The following SH3BP5L variants were observed in gnomAD, a reference collection of about 807,000 sequenced individuals.
SH3BP5L encodes SH3 domain-binding protein 5-like.
SH3BP5L carries 16 observed loss-of-function variants against 40.9 expected under a neutral mutation model. That is an observed-to-expected ratio of 0.39 (90% CI 0.27 to 0.59). The LOEUF (loss-of-function observed/expected upper bound fraction) is 0.59, where lower values mean the gene tolerates loss of function less well. Among genes scored for constraint, SH3BP5L ranks in the 20% least tolerant of loss-of-function variants. The pLI, the probability that SH3BP5L is intolerant of heterozygous loss-of-function variation, is 0.53. For synonymous variants in SH3BP5L, 229 were observed against 226.7 expected (o/e 1.01, Z -0.09); for missense variants, 471 against 544.6 (o/e 0.86, Z 1.35).
At chr1:248,822,696 T>C (rs1349611673) in intron 2 of SH3BP5L, among the ~76,000 whole-genome samples, 4 of 151,414 alleles carry the variant, frequency 2.6e-5, no homozygotes. Flanking sequence ...GGAGTTTCGC[T>C]CTTGTCACCC....
chr1:248,819,310 A>T (rs1474963687), intron 2 of SH3BP5L, among the ~76,000 whole-genome samples: 5 of 151,922 alleles, frequency 3.3e-5, no homozygotes, highest in Non-Finnish European at 7.4e-5. Context: ...GGGATGTCCA[A>T]TCTTTTTGCT....
chr1:248,825,530 C>CTTTA lies in SH3BP5L; in HGVS notation c.-431-168_-431-165dup, dbSNP rs1046426763. On this transcript the variant is annotated intron_variant, in intron 1 of 6. Transcript: ENST00000366472. ...AACTTCTCTCCTTAGCCCTCAAGGA[C>CTTTA]TTTAGATTCTACTCTTCCCCCGTCC... 153 of 314,490 alleles carry CTTTA rather than the reference C, an allele frequency of 4.9e-4. 1 individual carries two copies. The highest frequency in any genetic ancestry group is 3.4e-4 in the East Asian group (2 of 5,840). The allele number at this position is 314,490 out of a possible 1,614,324, so 19.5% of individuals were successfully genotyped here.
At chr1:248,816,753 A>G (rs1311162996) in intron 3 of SH3BP5L, 69 bp downstream of exon 3, 17 of 1,612,222 alleles carry the variant, frequency 1.1e-5, no homozygotes, top group East Asian at 2.2e-5. Flanking sequence ...CACTGCCTCA[A>G]TCTGGGAAAG....
chr1:248,812,457 C>T lies in SH3BP5L; in HGVS notation c.712-87G>A. The stretch of plus-strand genomic sequence containing the variant: ...CTGCACTGAGGTCTGAGGGCCTGCT[C>T]TCCCAGAATACCTGGACAGCTGGCT... On this transcript the variant is annotated intron_variant, in intron 6 of 6. Coordinates refer to ENST00000366472, the MANE Select transcript of SH3BP5L (RefSeq NM_030645.3). The surrounding 1 kb of genome is among the most constrained non-coding windows in gnomAD (Gnocchi z 6.1). 2.0e-6 allele frequency: 2 copies of T among 1,019,440 alleles called. No individual in the cohort carries two copies. The highest frequency in any genetic ancestry group is 1.4e-5 in the South Asian group (1 of 71,036). The allele number at this position is 1,019,440 out of a possible 1,614,324, so 63.1% of individuals were successfully genotyped here. A position where few individuals can be genotyped will look rare whatever the true frequency, so the allele number is the denominator to read the frequency against.
Position 248,812,779 on chromosome 1 carries a change from C to T in SH3BP5L, c.711+210G>A, listed in dbSNP as rs1255636995. 6.6e-6 allele frequency among the ~76,000 whole-genome samples: 1 copy of T among 152,186 alleles called. No homozygotes were observed. Among genetic ancestry groups the T allele is most frequent in the Non-Finnish European group, 1.5e-5 (1 of 68,038 alleles). On this transcript the variant is annotated intron_variant, in intron 6 of 6. Coordinates refer to ENST00000366472, the MANE Select transcript of SH3BP5L (RefSeq NM_030645.3). The surrounding 1 kb of genome is among the most constrained non-coding windows in gnomAD (Gnocchi z 6.1). The stretch of plus-strand genomic sequence containing the variant: ...ACCTCCCTTCTTCCAACTACGTTCT[C>T]GCCGTCACCAGCCCCCATCACCAGC...
intron 2 of SH3BP5L, among the ~76,000 whole-genome samples, chr1:248,822,444 A>G (rs547631830): frequency 7.2e-5 from 11 of 152,308 alleles, no homozygotes; most frequent in African/African-American, 2.6e-4. Context: ...TTTCCTCCCT[A>G]TACAACCCAC....
chr1:248,823,913 T>G (rs1664311370), intron 2 of SH3BP5L, among the ~76,000 whole-genome samples: 1 of 152,196 alleles, frequency 6.6e-6, no homozygotes, highest in Non-Finnish European at 1.5e-5. Flanking sequence ...CCCAAGAAGC[T>G]TCCTCAGGAA....
At chr1:248,814,931 A>G (rs1664062577) in intron 4 of SH3BP5L, 1 of 420,482 alleles carries the variant, frequency 2.4e-6, no homozygotes, top group African/African-American at 2.0e-5. Context: ...GGTTAGCAAC[A>G]TAGACAGAGT....
rs1663958971 is a variant in SH3BP5L, at chr1:248,812,137, C to T, written c.945G>A (p.Gly315=). The change falls in exon 7 of 7, where the codon GGG becomes GGA. Residue 315 remains glycine (G), a synonymous_variant. Coordinates refer to ENST00000366472, the MANE Select transcript of SH3BP5L (RefSeq NM_030645.3). This position sits in a 1 kb window ranked among gnomAD's most constrained non-coding sequence, Gnocchi z 6.1. ...GCCCCAGGCTGCTGCCCTCCTCCAG[C>T]CCCGCACCCTCGGCCCCCTCAATCC... ...DSGIEGAEGA[G]LEEGSSLGPG... is the part of the protein sequence containing the mutation. 1 of 1,605,134 alleles carries T rather than the reference C, an allele frequency of 6.2e-7. No homozygotes were observed. The highest frequency in any genetic ancestry group is 8.5e-7 in the Non-Finnish European group (1 of 1,175,712).
chr1:248,816,489 A>T (rs750325824), intron 4 of SH3BP5L, 45 bp downstream of exon 4: 1 of 1,611,912 alleles, frequency 6.2e-7, no homozygotes, highest in East Asian at 2.2e-5. Context: ...ATCCAGGGCC[A>T]GGCTCAGCAC....
chr1:248,816,267 C>G (rs1014472917), intron 4 of SH3BP5L: 12 of 434,074 alleles, frequency 2.8e-5, no homozygotes, highest in Non-Finnish European at 3.4e-5. Context: ...AAGCCTGATT[C>G]CTGATACACA....
chr1:248,820,232 C>CCAA (rs1165340880), intron 2 of SH3BP5L, among the ~76,000 whole-genome samples: 1 of 152,166 alleles, frequency 6.6e-6, no homozygotes, highest in Non-Finnish European at 1.5e-5. Context: ...GAACAGGCAG[C>CCAA]CAACACAGCT....
At position 248,825,171 on chromosome 1, in the gene SH3BP5L, C is replaced by T; in HGVS notation, c.-236G>A. 7.7e-7 allele frequency: 1 copy of T among 1,290,980 alleles called. No homozygotes were observed. Among genetic ancestry groups the T allele is most frequent in the Non-Finnish European group, 9.8e-7 (1 of 1,018,972 alleles). 80.0% of individuals were successfully genotyped at this position (1,290,980 alleles called of 1,614,324 possible). A position where few individuals can be genotyped will look rare whatever the true frequency, so the allele number is the denominator to read the frequency against. ...TGTGCAAAAGTTCTTCCCTTCCCGC[C>T]ACAGGGAGTCCACTGTGACAAACCC... On this transcript the variant is annotated 5_prime_UTR_variant, in exon 2 of 7. Transcript: ENST00000366472.
chr1:248,812,392 A>C lies in SH3BP5L; in HGVS notation c.712-22T>G. On this transcript the variant is annotated intron_variant, in intron 6 of 6. Transcript: ENST00000366472. The surrounding 1 kb of genome is among the most constrained non-coding windows in gnomAD (Gnocchi z 6.1). ...GCTCCTGCAGAGGGCAGAGCAGAGCAAGGCGACCCATGGGGCACGTCTCCA... is the reference window on the plus strand; with the variant it reads ...GCTCCTGCAGAGGGCAGAGCAGAGCCAGGCGACCCATGGGGCACGTCTCCA... The C allele has an allele frequency of 1.3e-6, 2 of 1,590,398 alleles. No homozygotes were observed. Among genetic ancestry groups the C allele is most frequent in the Non-Finnish European group, 1.7e-6 (2 of 1,171,070 alleles).
chr1:248,811,708 T>G lies in SH3BP5L; in HGVS notation c.*192A>C. 1 of 548,940 alleles carries G rather than the reference T, an allele frequency of 1.8e-6. No individual in the cohort carries two copies. Among genetic ancestry groups the G allele is most frequent in the Non-Finnish European group, 3.2e-6 (1 of 311,962 alleles). 34.0% of individuals were successfully genotyped at this position (548,940 alleles called of 1,614,324 possible). ...GGGTAAGGCAAAGAGAGCCGCCTGC[T>G]GAGGGGAAGGGGGAGGCTGTGAGAA... On this transcript the variant is annotated 3_prime_UTR_variant, in exon 7 of 7. Coordinates refer to ENST00000366472, the MANE Select transcript of SH3BP5L (RefSeq NM_030645.3).
intron 5 of SH3BP5L, 89 bp from the exon 6 acceptor site, chr1:248,813,251 G>A: frequency 7.3e-7 from 1 of 1,369,876 alleles, no homozygotes; most frequent in Non-Finnish European, 9.6e-7. Context: ...ACGCCCTGGG[G>A]GGAACCCAAA....
intron 2 of SH3BP5L, 140 bp from the exon 3 acceptor site, chr1:248,817,024 A>G (rs759674863): frequency 1.3e-6 from 2 of 1,551,866 alleles, no homozygotes; most frequent in South Asian, 2.4e-5. Flanking sequence ...AGGAAAGAAG[A>G]TACGGAGATT....
chr1:248,822,685 C>A (rs1366069216), intron 2 of SH3BP5L, among the ~76,000 whole-genome samples: 1 of 148,882 alleles, frequency 6.7e-6, no homozygotes, highest in African/African-American at 2.5e-5. Context: ...TTTTCTGAGA[C>A]GGAGTTTCGC....
intron 3 of SH3BP5L, 32 bp downstream of exon 3, chr1:248,816,790 C>A: frequency 2.5e-6 from 4 of 1,613,542 alleles, no homozygotes; most frequent in Non-Finnish European, 2.5e-6. Context: ...TTCCAAGGAC[C>A]AGCCCAAGCA....
Sources: allele counts gnomAD v4.1 joint callset (sites outside exome capture counted in the v4.1 genomes callset), GRCh38; gene constraint gnomAD v4.1.1; non-coding constraint Gnocchi (gnomAD v3.1); transcripts MANE v1.5; gene names NCBI Gene and HGNC (gene_info 2026-07-23, HGNC 2026-07-21).